LRRIQ3: variants seen among roughly 807,000 people sequenced by gnomAD.
LRRIQ3 encodes the protein leucine-rich repeat and IQ domain-containing protein 3.
Under a neutral mutation model 59.3 loss-of-function variants are expected in LRRIQ3, and 75 were observed. The ratio of observed to expected loss-of-function variants is 1.26; its 90% CI spans 1.05 to 1.53. LRRIQ3 has a LOEUF of 1.53. Among genes scored for constraint, LRRIQ3 ranks in the 40% most tolerant of loss-of-function variants. The pLI is 0.00. For missense variants in LRRIQ3, 831 were observed against 710.0 expected, an observed-to-expected ratio of 1.17 and a Z score of -1.94; for synonymous variants, 250 against 231.3, an observed-to-expected ratio of 1.08 and a Z score of -0.73.
intron 1 of LRRIQ3, among the ~76,000 whole-genome samples, chr1:74,185,684 C>T (rs1236243693): frequency 6.6e-6 from 1 of 152,196 alleles, no homozygotes; most frequent in Non-Finnish European, 1.5e-5. Context: ...TGGCTCACGC[C>T]TGTAATCCCA....
intron 4 of LRRIQ3, among the ~76,000 whole-genome samples, chr1:74,153,719 C>A (rs1294479956): frequency 6.6e-6 from 1 of 152,122 alleles, no homozygotes; most frequent in Non-Finnish European, 1.5e-5. Flanking sequence ...ATGGTAAGAG[C>A]TTGTGATAAT....
intron 7 of LRRIQ3, among the ~76,000 whole-genome samples, chr1:74,039,222 A>G (rs80073797): frequency 0.034 from 5,112 of 152,270 alleles, 125 homozygotes; most frequent in Admixed American, 0.064. Context: ...AGAAGAAACG[A>G]TATCAGAGTT....
In LRRIQ3 at chr1:74,133,321, A is replaced by T. The variant is rs1570176524; in HGVS notation, c.707+22412T>A. Among the ~76,000 whole-genome samples the T allele has an allele frequency of 5.3e-5, 8 of 152,298 alleles. No homozygotes were observed. In the South Asian group the frequency reaches 1.7e-3, roughly 32 times the overall value. On this transcript the variant is annotated intron_variant, in intron 4 of 7. Transcript: ENST00000354431. Reference sequence around the variant, plus strand: ...CGGTGTAGCGATTCCTCAGGGATCTAGAACTAGAAATACCATTTGACCCAG... The same window carrying T: ...CGGTGTAGCGATTCCTCAGGGATCTTGAACTAGAAATACCATTTGACCCAG...
intron 6 of LRRIQ3, among the ~76,000 whole-genome samples, chr1:74,066,491 T>C (rs1654870775): frequency 6.6e-6 from 1 of 151,534 alleles, no homozygotes; most frequent in Non-Finnish European, 1.5e-5. Flanking sequence ...ACATTTCAGT[T>C]CTATGGGTAT....
chr1:74,121,997 A>G (rs1231911269), intron 4 of LRRIQ3, among the ~76,000 whole-genome samples: 2 of 151,762 alleles, frequency 1.3e-5, no homozygotes, highest in Non-Finnish European at 2.9e-5. Flanking sequence ...TGGACATTTG[A>G]CTTGGTTCCA....
chr1:74,120,941 T>C (rs1448995219), intron 4 of LRRIQ3, among the ~76,000 whole-genome samples: 1 of 152,130 alleles, frequency 6.6e-6, no homozygotes, highest in Non-Finnish European at 1.5e-5. Context: ...AACATTATGA[T>C]TGATTAACAT....
intron 5 of LRRIQ3, among the ~76,000 whole-genome samples, chr1:74,089,374 T>C (rs890319742): frequency 6.6e-6 from 1 of 152,034 alleles, no homozygotes; most frequent in Non-Finnish European, 1.5e-5. Flanking sequence ...TAGAGCAGCA[T>C]AGTTAAAAAT....
chr1:74,182,956 C>A, intron 2 of LRRIQ3, 95 bp from the exon 3 acceptor site: 3 of 627,488 alleles, frequency 4.8e-6, no homozygotes, highest in Non-Finnish European at 5.0e-6. Context: ...ATTCAATATT[C>A]CCCAAATAGC....
At chr1:74,033,181 A>G (rs1272101738) in intron 7 of LRRIQ3, among the ~76,000 whole-genome samples, 1 of 151,964 alleles carries the variant, frequency 6.6e-6, no homozygotes, top group African/African-American at 2.4e-5. Flanking sequence ...TATTGGCATA[A>G]ATCTGTGGGG....
At chr1:74,184,999 C>T (rs1361197988) in intron 1 of LRRIQ3, among the ~76,000 whole-genome samples, 1 of 152,112 alleles carries the variant, frequency 6.6e-6, no homozygotes, top group Non-Finnish European at 1.5e-5. Flanking sequence ...TTTTAAAGTA[C>T]TGAATAACAT....
chr1:74,091,327 A>G (rs934667098), intron 5 of LRRIQ3, among the ~76,000 whole-genome samples: 1 of 152,128 alleles, frequency 6.6e-6, no homozygotes, highest in East Asian at 1.9e-4. Context: ...TATCTGGAGG[A>G]AAGTACCTTC....
intron 4 of LRRIQ3, among the ~76,000 whole-genome samples, chr1:74,146,675 G>A (rs1200826538): frequency 6.6e-6 from 1 of 152,064 alleles, no homozygotes; most frequent in Non-Finnish European, 1.5e-5. Context: ...CATGAAATAT[G>A]GGCCTGAGTC....
At chr1:74,086,111 A>G (rs1432883416) in intron 5 of LRRIQ3, among the ~76,000 whole-genome samples, 1 of 152,054 alleles carries the variant, frequency 6.6e-6, no homozygotes, top group Admixed American at 6.6e-5. Flanking sequence ...CTCTTGATAA[A>G]TTTATCTTTG....
chr1:74,107,841 T>C (rs1353263939), intron 5 of LRRIQ3, among the ~76,000 whole-genome samples: 1 of 151,556 alleles, frequency 6.6e-6, no homozygotes, highest in Non-Finnish European at 1.5e-5. Context: ...ACAATGTACA[T>C]ATTTATCAAC....
At chr1:74,090,144 T>C (rs1158559656) in intron 5 of LRRIQ3, among the ~76,000 whole-genome samples, 1 of 152,018 alleles carries the variant, frequency 6.6e-6, no homozygotes, top group African/African-American at 2.4e-5. Context: ...GAAAACAACA[T>C]ATTTATCATT....
At chr1:74,045,155 CA>C (rs1654162759) in intron 6 of LRRIQ3, among the ~76,000 whole-genome samples, 1 of 151,884 alleles carries the variant, frequency 6.6e-6, no homozygotes, top group South Asian at 2.1e-4. Flanking sequence ...ACAGACACAA[CA>C]AAAAAAGAAA....
intron 5 of LRRIQ3, chr1:74,084,133 C>T (rs764419148): frequency 1.3e-6 from 2 of 1,537,582 alleles, no homozygotes; most frequent in East Asian, 2.5e-5. Flanking sequence ...GAATGATGTG[C>T]ATAATTCCTT....
chr1:74,148,167 T>C (rs906675830), intron 4 of LRRIQ3, among the ~76,000 whole-genome samples: 3 of 152,216 alleles, frequency 2.0e-5, no homozygotes, highest in Non-Finnish European at 4.4e-5. Flanking sequence ...CATCTGTACA[T>C]CTGGTGTTAA....
At chr1:74,190,541 G>A (rs993713637) in intron 1 of LRRIQ3, among the ~76,000 whole-genome samples, 16 of 151,394 alleles carry the variant, frequency 1.1e-4, no homozygotes, top group African/African-American at 3.4e-4. Context: ...TGTAACATAC[G>A]TGTAATAAAA....
Sources: allele counts gnomAD v4.1 joint callset (sites outside exome capture counted in the v4.1 genomes callset), GRCh38; gene constraint gnomAD v4.1.1; transcripts MANE v1.5; gene names NCBI Gene and HGNC (gene_info 2026-07-23, HGNC 2026-07-21).